TDRD10: variants seen among roughly 807,000 people sequenced by gnomAD.
TDRD10 encodes tudor domain-containing protein 10.
A neutral mutation model predicts 48.0 loss-of-function variants in TDRD10; 40 were observed. The ratio of observed to expected loss-of-function variants is 0.83; its 90% CI spans 0.65 to 1.09. The LOEUF is 1.09. Ranked by LOEUF, TDRD10 falls within the 50% of genes least tolerant of loss-of-function variation. TDRD10 has a pLI of 0.00. For synonymous variants in TDRD10, 162 were observed against 170.4 expected (o/e 0.95, Z 0.38); for missense variants, 378 against 434.7 (o/e 0.87, Z 1.16).
intron 1 of TDRD10, among the ~76,000 whole-genome samples, chr1:154,504,520 A>T (rs1278747989): frequency 6.6e-6 from 1 of 152,194 alleles, no homozygotes; most frequent in East Asian, 1.9e-4. Context: ...CATGTCCTCA[A>T]TACTTGTTAG....
intron 8 of TDRD10, 65 bp downstream of exon 8, chr1:154,542,886 G>T: frequency 7.3e-7 from 1 of 1,369,740 alleles, no homozygotes; most frequent in Admixed American, 1.8e-5. Flanking sequence ...GTCCCCCAGA[G>T]AGTGGGGACA....
At chr1:154,525,552 G>A (rs4845642) in intron 6 of TDRD10, among the ~76,000 whole-genome samples, 89,752 of 151,982 alleles carry the variant, frequency 0.59, 27,091 homozygotes, top group East Asian at 0.76. Flanking sequence ...AATGAGCTAA[G>A]AGTTGATTGA....
chr1:154,518,623 G>T (rs1459716612), intron 4 of TDRD10, among the ~76,000 whole-genome samples: 1 of 152,108 alleles, frequency 6.6e-6, no homozygotes, highest in Non-Finnish European at 1.5e-5. Flanking sequence ...TAGAGACGGG[G>T]TTTCACCGTG....
chr1:154,503,093 A>C (rs1692894118), intron 1 of TDRD10, 64 bp downstream of exon 1: 1 of 152,204 alleles, frequency 6.6e-6, no homozygotes, highest in Non-Finnish European at 1.5e-5. Context: ...GGGCGTCGGC[A>C]GGCAGCCATG....
At chr1:154,534,374 A>G (rs530015739) in intron 6 of TDRD10, among the ~76,000 whole-genome samples, 8 of 152,394 alleles carry the variant, frequency 5.2e-5, no homozygotes, top group African/African-American at 1.9e-4. Flanking sequence ...AGAGCTAGGA[A>G]TAGGCACCTT....
At chr1:154,543,620 G>A (rs1327579023) in intron 8 of TDRD10, among the ~76,000 whole-genome samples, 3 of 152,130 alleles carry the variant, frequency 2.0e-5, no homozygotes, top group African/African-American at 7.2e-5. Context: ...TCATTTAGAG[G>A]CTCGTGAATC....
intron 8 of TDRD10, among the ~76,000 whole-genome samples, chr1:154,543,375 A>G (rs1010565060): frequency 6.6e-6 from 1 of 152,212 alleles, no homozygotes; most frequent in African/African-American, 2.4e-5. Flanking sequence ...TGAGATCATC[A>G]TGCCCACCAT....
chr1:154,502,952 G>C lies in TDRD10; in HGVS notation c.-105G>C, dbSNP rs1027244627. 1.3e-5 allele frequency: 2 copies of C among 152,448 alleles called. No individual in the cohort carries two copies. Among genetic ancestry groups the C allele is most frequent in the African/African-American group, 2.4e-5 (1 of 41,472 alleles). 9.4% of individuals were successfully genotyped at this position (152,448 alleles called of 1,614,324 possible). ...CCGCCCCGTGCCCCCGGGCTCAGAG[G>C]GGGCGGAGCGCGGAGGGAGAAGGCG... On this transcript the variant is annotated 5_prime_UTR_variant, in exon 1 of 13. Coordinates refer to ENST00000368482, the MANE Select transcript of TDRD10 (RefSeq NM_182499.4).
intron 5 of TDRD10, 103 bp downstream of exon 5, chr1:154,520,477 G>A (rs757241973): frequency 8.6e-5 from 72 of 839,214 alleles, no homozygotes; most frequent in Middle Eastern, 2.2e-4. Flanking sequence ...CAACCGCCAC[G>A]TCCACACCCA....
intron 3 of TDRD10, 104 bp from the exon 4 acceptor site, chr1:154,508,319 A>G (rs1570893047): frequency 1.3e-6 from 1 of 788,946 alleles, no homozygotes; most frequent in East Asian, 2.5e-5. Flanking sequence ...ATTTGAGACC[A>G]GACTGGGCAA....
rs57375022 is a variant in TDRD10 at position 154,540,507 on chromosome 1, CAAAAAAAAA to C, written c.370-1502_370-1494del. ...GCAACATGGTGAAACCCCATCTCTA[CAAAAAAAAA>C]AAAAAAAAAAAAAATGCCGTTCACT... is the stretch of plus-strand genomic sequence containing the variant. On this transcript the variant is annotated intron_variant, in intron 6 of 12. Coordinates refer to ENST00000368482, the MANE Select transcript of TDRD10 (RefSeq NM_182499.4). 2.0e-4 allele frequency among the ~76,000 whole-genome samples: 22 copies of C among 109,118 alleles called. 1 individual carries two copies. The highest frequency in any genetic ancestry group is 3.7e-4 in the Non-Finnish European group (21 of 57,282). 71.6% of individuals were successfully genotyped at this position (109,118 alleles called of 152,430 possible).
chr1:154,543,528 A>G (rs1695367616), intron 8 of TDRD10, among the ~76,000 whole-genome samples: 1 of 152,184 alleles, frequency 6.6e-6, no homozygotes, highest in African/African-American at 2.4e-5. Flanking sequence ...GCAGGGTGAC[A>G]TTTGGAATGT....
chr1:154,542,889 T>A, intron 8 of TDRD10, 68 bp downstream of exon 8: 1 of 1,347,316 alleles, frequency 7.4e-7, no homozygotes, highest in Non-Finnish European at 1.1e-6. Context: ...CCCCAGAGAG[T>A]GGGGACAAGG....
rs139809298 is a variant in TDRD10, at chr1:154,527,323, C to A, written c.369+5844C>A. 1.8e-3 allele frequency among the ~76,000 whole-genome samples: 279 copies of A among 152,272 alleles called. 1 individual carries two copies. The highest frequency in any genetic ancestry group is 6.4e-3 in the African/African-American group (266 of 41,540). ...TTGACCAATAAAATATAATCGAGAA[C>A]TCAAAAAGAGGCTCATTCGTACACA... is the stretch of plus-strand genomic sequence containing the variant. On this transcript the variant is annotated intron_variant, in intron 6 of 12. Coordinates refer to ENST00000368482, the MANE Select transcript of TDRD10 (RefSeq NM_182499.4).
intron 4 of TDRD10, among the ~76,000 whole-genome samples, chr1:154,518,650 C>CT (rs1266522601): frequency 1.3e-5 from 2 of 152,114 alleles, no homozygotes; most frequent in African/African-American, 4.8e-5. Context: ...AGGATGGTCT[C>CT]TATCTCCTGA....
At chr1:154,525,500 T>C (rs1183168530) in intron 6 of TDRD10, among the ~76,000 whole-genome samples, 1 of 152,090 alleles carries the variant, frequency 6.6e-6, no homozygotes, top group Non-Finnish European at 1.5e-5. Context: ...TATTTAGAGG[T>C]TCATCCAATC....
intron 6 of TDRD10, among the ~76,000 whole-genome samples, chr1:154,532,432 C>T (rs1033888272): frequency 2.6e-5 from 4 of 152,208 alleles, no homozygotes; most frequent in African/African-American, 9.6e-5. Context: ...CCGCGCGCAG[C>T]CCTGGTTCCC....
At chr1:154,503,449 G>A (rs1159581022) in intron 1 of TDRD10, among the ~76,000 whole-genome samples, 1 of 152,234 alleles carries the variant, frequency 6.6e-6, no homozygotes, top group Middle Eastern at 3.4e-3. Flanking sequence ...TTAGCCGGGC[G>A]TGGTGGTGCG....
At chr1:154,535,984 G>A (rs187431362) in intron 6 of TDRD10, among the ~76,000 whole-genome samples, 10 of 152,090 alleles carry the variant, frequency 6.6e-5, no homozygotes, top group Middle Eastern at 3.4e-3. Flanking sequence ...TGAGAGGAGC[G>A]GTATTATGAA....
Sources: gnomAD v4.1 joint callset for allele counts (sites outside exome capture counted in the v4.1 genomes callset) on GRCh38, gnomAD v4.1.1 for gene constraint, MANE v1.5 for transcripts, NCBI Gene and HGNC (gene_info 2026-07-23, HGNC 2026-07-21) for gene names.